The following UNC93B1 variants were observed in gnomAD, a reference collection of about 807,000 sequenced individuals.
UNC93B1 encodes unc-93B1 regulator of TLR signaling, also known as protein unc-93 homolog B1.
In UNC93B1, 33 loss-of-function variants were observed where a neutral mutation model predicts 56.8. The ratio of observed to expected loss-of-function variants is 0.58; its 90% CI spans 0.44 to 0.78. The LOEUF (loss-of-function observed/expected upper bound fraction) is 0.78. Ranked by LOEUF, UNC93B1 falls within the 30% of genes least tolerant of loss-of-function variation. The pLI, the probability that UNC93B1 is intolerant of heterozygous loss-of-function variation, is 0.00. For synonymous variants in UNC93B1, 334 were observed against 358.6 expected (o/e 0.93, Z 0.77); for missense variants, 673 against 819.5 (o/e 0.82, Z 2.18).
chr11:67,996,649 TAAAG>T lies in UNC93B1; in HGVS notation c.1038_1041del (p.Phe346LeufsTer102), dbSNP rs759883057. On this transcript the variant is annotated frameshift_variant, in exon 8 of 11. Coordinates refer to ENST00000227471, the MANE Select transcript of UNC93B1 (RefSeq NM_030930.4). LOFTEE classifies it high-confidence loss of function. ...AAGAGCACCTCGAAGCCGCTGTAGA[TAAAG>T]AAAGGCACGAGGTGGCGCAGGCGGT... 5.0e-5 allele frequency: 77 copies of T among 1,551,380 alleles called. No homozygotes were observed. Among genetic ancestry groups the T allele is most frequent in the Non-Finnish European group, 5.8e-5 (67 of 1,146,884 alleles).
chr11:67,997,450 C>T, intron 7 of UNC93B1: 1 of 691,758 alleles, frequency 1.4e-6, no homozygotes, highest in Non-Finnish European at 2.3e-6. Context: ...GATGCCCACG[C>T]CTGCCTCGGA....
Position 67,999,581 on chromosome 11 carries a change from C to T in UNC93B1, c.492G>A (p.Ser164=), listed in dbSNP as rs770864824. ...CGATGGCCATGCCCAGGGCCACAGC[C>T]GAGGGCACAAGCGTGTAGTAGCGCT... ...YWERYYTLVP[S]AVALGMAIVP... Residue 164 remains serine (S), a synonymous_variant, in exon 4 of 11, where the codon TCG becomes TCA. Transcript: ENST00000227471. The T allele has an allele frequency of 1.1e-5, 17 of 1,592,952 alleles. No individual in the cohort carries two copies. Among genetic ancestry groups the T allele is most frequent in the East Asian group, 2.3e-5 (1 of 43,432 alleles).
chr11:68,003,393 G>A lies in UNC93B1; in HGVS notation c.239-218C>T, dbSNP rs370587379. ...CCCAGACCCCCACCCGCCTTGCTCC[G>A]CCGGCCTCCAATTCTGACGGTGGCA... On this transcript the variant is annotated intron_variant, in intron 2 of 10. Coordinates refer to ENST00000227471, the MANE Select transcript of UNC93B1 (RefSeq NM_030930.4). This position sits in a 1 kb window ranked among gnomAD's most constrained non-coding sequence, Gnocchi z 4.4. The A allele has an allele frequency of 2.5e-6, 2 of 815,962 alleles. No homozygotes were observed. Among genetic ancestry groups the A allele is most frequent in the South Asian group, 4.0e-5 (2 of 50,262 alleles). 50.5% of individuals were successfully genotyped at this position (815,962 alleles called of 1,614,324 possible). A position where few individuals can be genotyped will look rare whatever the true frequency, so the allele number is the denominator to read the frequency against.
In UNC93B1 at chr11:67,999,240, C is replaced by T. The variant is rs779331638; in HGVS notation, c.620G>A (p.Arg207Gln). The T allele has an allele frequency of 3.0e-5, 49 of 1,613,500 alleles. No homozygotes were observed. Among genetic ancestry groups the T allele is most frequent in the Admixed American group, 1.7e-4 (10 of 60,000 alleles). Reference sequence around the variant, plus strand: ...GGGCGCGTGGGAGCCCCGCGGAGGCCGCTGCTTCATCCCCTGCCCATCCTG... The same window carrying T: ...GGGCGCGTGGGAGCCCCGCGGAGGCTGCTGCTTCATCCCCTGCCCATCCTG... ...KEQDGQGMKQ[R>Q]PPRGSHAPYL... Residue 207 changes from arginine to glutamine, a missense_variant, in exon 5 of 11, where the codon CGG becomes CAG. Coordinates refer to ENST00000227471, the MANE Select transcript of UNC93B1 (RefSeq NM_030930.4).
chr11:67,995,587 CCCAGTG>C lies in UNC93B1; in HGVS notation c.1363+18_1363+23del. 2 of 610,082 alleles carry C rather than the reference CCCAGTG, an allele frequency of 3.3e-6. No homozygotes were observed. The highest frequency in any genetic ancestry group is 8.8e-5 in the South Asian group (1 of 11,386). The allele number at this position is 610,082 out of a possible 1,614,324, so 37.8% of individuals were successfully genotyped here. ...AAGCCCCCTGCCCCGCCCCCCCCCC[CCCAGTG>C]CCCACAGCTATACTCACTGCTGAGT... On this transcript the variant is annotated intron_variant, in intron 9 of 10. Transcript: ENST00000227471.
chr11:68,003,255 C>A lies in UNC93B1; in HGVS notation c.239-80G>T. On this transcript the variant is annotated intron_variant, in intron 2 of 10. Coordinates refer to ENST00000227471, the MANE Select transcript of UNC93B1 (RefSeq NM_030930.4). This position sits in a 1 kb window ranked among gnomAD's most constrained non-coding sequence, Gnocchi z 4.4. Reference sequence around the variant, plus strand: ...CGAGCAGAAGACGGCATGCAGGCCTCGCAGGGAGCTCCAATCACCGAAGGC... The same window carrying A: ...CGAGCAGAAGACGGCATGCAGGCCTAGCAGGGAGCTCCAATCACCGAAGGC... 3 of 1,410,710 alleles carry A rather than the reference C, an allele frequency of 2.1e-6. No individual in the cohort carries two copies. The highest frequency in any genetic ancestry group is 5.3e-5 in the East Asian group (2 of 37,388). 87.4% of individuals were successfully genotyped at this position (1,410,710 alleles called of 1,614,324 possible).
intron 9 of UNC93B1, among the ~76,000 whole-genome samples, chr11:67,994,484 A>G (rs1179167221): frequency 6.6e-6 from 1 of 152,210 alleles, no homozygotes; most frequent in East Asian, 1.9e-4. Flanking sequence ...CCAGGCACTC[A>G]GGATATGAAC....
rs1009135778 is a variant in UNC93B1, at chr11:68,004,048, C to G, written c.-5G>C. 55 of 1,375,474 alleles carry G rather than the reference C, an allele frequency of 4.0e-5. No individual in the cohort carries two copies. The highest frequency in any genetic ancestry group is 2.4e-4 in the Middle Eastern group (1 of 4,088). The allele number at this position is 1,375,474 out of a possible 1,614,324, so 85.2% of individuals were successfully genotyped here. On this transcript the variant is annotated 5_prime_UTR_variant, in exon 1 of 11. Transcript: ENST00000227471. ...GAGCGGCGGCTCCGCCTCCATGGCCCGAACTACTGCGGACTCGCGGCGGTC... is the reference window on the plus strand; with the variant it reads ...GAGCGGCGGCTCCGCCTCCATGGCCGGAACTACTGCGGACTCGCGGCGGTC...
Position 68,003,328 on chromosome 11 carries a change from C to T in UNC93B1, c.239-153G>A. The T allele has an allele frequency of 9.5e-7, 1 of 1,051,746 alleles. No homozygotes were observed. Among genetic ancestry groups the T allele is most frequent in the Non-Finnish European group, 1.3e-6 (1 of 762,194 alleles). The allele number at this position is 1,051,746 out of a possible 1,614,324, so 65.2% of individuals were successfully genotyped here. On this transcript the variant is annotated intron_variant, in intron 2 of 10. Transcript: ENST00000227471. The surrounding 1 kb of genome is among the most constrained non-coding windows in gnomAD (Gnocchi z 4.4). ...AGGACAGCGGGGTTCCCGGGCTGCG[C>T]CACGCCTTCTGCCAGCCCGCGGCCA...
At position 67,993,660 on chromosome 11, in the gene UNC93B1, C is replaced by T. The variant is rs369488563; in HGVS notation, c.1482+16G>A. On this transcript the variant is annotated intron_variant, in intron 10 of 10. Coordinates refer to ENST00000227471, the MANE Select transcript of UNC93B1 (RefSeq NM_030930.4). ...CTGTCATTGGGCATGGGGCCCCCAACCCTGCCCAGTCTCACCTTCATGTGC... is the reference window on the plus strand; with the variant it reads ...CTGTCATTGGGCATGGGGCCCCCAATCCTGCCCAGTCTCACCTTCATGTGC... The T allele has an allele frequency of 1.9e-6, 2 of 1,071,636 alleles. No homozygotes were observed. Among genetic ancestry groups the T allele is most frequent in the South Asian group, 2.7e-5 (2 of 74,306 alleles). 66.4% of individuals were successfully genotyped at this position (1,071,636 alleles called of 1,614,324 possible).
intron 5 of UNC93B1, 117 bp downstream of exon 5, chr11:67,999,056 C>T: frequency 6.8e-7 from 1 of 1,467,150 alleles, no homozygotes; most frequent in Non-Finnish European, 9.1e-7. Context: ...GAGACCAGGC[C>T]TCTTAAAAAT....
intron 3 of UNC93B1, among the ~76,000 whole-genome samples, chr11:67,999,968 G>A (rs1350256213): frequency 2.0e-5 from 3 of 152,204 alleles, no homozygotes; most frequent in South Asian, 4.1e-4. Context: ...GCCCTCATGC[G>A]TGTTCTGGGC....
rs763848707 is a variant in UNC93B1 at position 68,003,651 on chromosome 11, A to T, written c.238+6T>A. ...GGGCGGCCCCGGGTCCCCGAGCGGC[A>T]CCTACCCAGGTAGACGCCGTAGGTG... On this transcript the variant is annotated splice_donor_region_variant and intron_variant, in intron 2 of 10. Transcript: ENST00000227471. The surrounding 1 kb of genome is among the most constrained non-coding windows in gnomAD (Gnocchi z 4.4). 24 of 1,519,848 alleles carry T rather than the reference A, an allele frequency of 1.6e-5. No homozygotes were observed. The allele number at this position is 1,519,848 out of a possible 1,614,324, so 94.1% of individuals were successfully genotyped here. A position where few individuals can be genotyped will look rare whatever the true frequency, so the allele number is the denominator to read the frequency against.
At chr11:67,996,919 C>T in intron 7 of UNC93B1, 135 bp from the exon 8 acceptor site, 2 of 1,111,034 alleles carry the variant, frequency 1.8e-6, no homozygotes, top group Non-Finnish European at 2.5e-6. Context: ...AGGGCCCCGC[C>T]CCTGAGACAC....
At chr11:67,992,933 G>C (rs1380925061) in intron 10 of UNC93B1, among the ~76,000 whole-genome samples, 5 of 151,984 alleles carry the variant, frequency 3.3e-5, no homozygotes, top group Non-Finnish European at 7.4e-5. Context: ...AAAATGCTGG[G>C]ATTACAGGCG....
At chr11:67,997,210 G>C (rs1456085549) in intron 7 of UNC93B1, among the ~76,000 whole-genome samples, 1 of 151,806 alleles carries the variant, frequency 6.6e-6, no homozygotes, top group Middle Eastern at 3.4e-3. Context: ...ACTAGGCCCC[G>C]CCTGACACAG....
chr11:67,999,161 C>T lies in UNC93B1; in HGVS notation c.687+12G>A, dbSNP rs749778985. The T allele has an allele frequency of 6.8e-6, 11 of 1,613,670 alleles. No individual in the cohort carries two copies. The South Asian group carries it at 8.8e-5, about 13-fold the overall frequency. On this transcript the variant is annotated intron_variant, in intron 5 of 10. Coordinates refer to ENST00000227471, the MANE Select transcript of UNC93B1 (RefSeq NM_030930.4). ...GCCCCTGCCACCCAACAATGGCCCA[C>T]GTGGCACTCACATGGAAGAAGCTGT...
chr11:68,001,282 T>C (rs1857041346), intron 3 of UNC93B1, among the ~76,000 whole-genome samples: 1 of 152,208 alleles, frequency 6.6e-6, no homozygotes, highest in Admixed American at 6.5e-5. Context: ...GTAGAAGTGA[T>C]AGGTTTCAAA....
intron 10 of UNC93B1, among the ~76,000 whole-genome samples, chr11:67,992,380 C>G (rs1856859218): frequency 6.6e-6 from 1 of 152,164 alleles, no homozygotes; most frequent in South Asian, 2.1e-4. Context: ...CCCTCCCTTC[C>G]CCCACCCACT....
Sources: allele counts gnomAD v4.1 joint callset (sites outside exome capture counted in the v4.1 genomes callset), GRCh38; gene constraint gnomAD v4.1.1; non-coding constraint Gnocchi (gnomAD v3.1); transcripts MANE v1.5; gene names NCBI Gene and HGNC (gene_info 2026-07-23, HGNC 2026-07-21).